The following PCDH11X variants were observed in gnomAD, a reference collection of about 807,000 sequenced individuals.
PCDH11X encodes protocadherin 11 X-linked.
Under a neutral mutation model 53.3 loss-of-function variants are expected in PCDH11X, and 18 were observed. That is an observed-to-expected ratio of 0.34 (90% CI 0.23 to 0.50). The LOEUF is 0.50. Among genes scored for constraint, PCDH11X ranks in the 20% least tolerant of loss-of-function variants. The probability of loss-of-function intolerance (pLI) is 0.98; values close to 1 mark genes in which losing one functional copy is unlikely to be tolerated. For synonymous variants in PCDH11X, 279 were observed against 393.3 expected (o/e 0.71, Z 3.44); for missense variants, 570 against 1,032.4 (o/e 0.55, Z 6.14).
intron 1 of PCDH11X, among the ~76,000 whole-genome samples, chrX:91,790,294 G>A (rs940634347): frequency 8.9e-6 from 1 of 111,875 alleles, no homozygotes; most frequent in Non-Finnish European, 1.9e-5. Flanking sequence ...TTGTACATAC[G>A]ATTATACCAT....
intron 6 of PCDH11X, among the ~76,000 whole-genome samples, chrX:91,920,874 A>C (rs2147819049): frequency 9.0e-6 from 1 of 110,634 alleles, no homozygotes; most frequent in East Asian, 2.9e-4. Context: ...GCAGACTCAT[A>C]ATTTTAGAAA....
intron 6 of PCDH11X, among the ~76,000 whole-genome samples, chrX:92,005,756 G>A (rs1212349876): frequency 8.9e-6 from 1 of 111,872 alleles, no homozygotes; most frequent in Non-Finnish European, 1.9e-5. Flanking sequence ...TCTAATTGAA[G>A]TACTCCCTAT....
At chrX:91,783,589 G>A (rs1205743287) in intron 1 of PCDH11X, among the ~76,000 whole-genome samples, 4 of 111,843 alleles carry the variant, frequency 3.6e-5, no homozygotes, top group Non-Finnish European at 5.6e-5. Context: ...TTTTCTCTGC[G>A]CAAGCAGTCC....
chrX:92,208,682 C>T (rs1324104416), intron 7 of PCDH11X, among the ~76,000 whole-genome samples: 2 of 104,572 alleles, frequency 1.9e-5, no homozygotes, highest in Non-Finnish European at 3.9e-5. Context: ...CAATAAGATA[C>T]ACAGACCACA....
At chrX:92,419,846 A>T (rs1486104882) in intron 9 of PCDH11X, among the ~76,000 whole-genome samples, 7 of 106,804 alleles carry the variant, frequency 6.6e-5, no homozygotes, top group African/African-American at 2.4e-4. Flanking sequence ...TACCCAGCTA[A>T]TTTTTTTGTA....
At chrX:91,848,621 A>G (rs1014107794) in intron 5 of PCDH11X, among the ~76,000 whole-genome samples, 1 of 112,106 alleles carries the variant, frequency 8.9e-6, no homozygotes, top group African/African-American at 3.2e-5. Flanking sequence ...CATCAACAAT[A>G]CAAAATGTGC....
intron 10 of PCDH11X, among the ~76,000 whole-genome samples, chrX:92,608,957 G>A (rs1200329516): frequency 2.7e-5 from 3 of 110,892 alleles, no homozygotes; most frequent in Non-Finnish European, 5.7e-5. Flanking sequence ...ATCCCTATAA[G>A]CTTGCCATTT....
At chrX:92,417,147 TAAAAG>T (rs1397818247) in intron 9 of PCDH11X, among the ~76,000 whole-genome samples, 1 of 111,866 alleles carries the variant, frequency 8.9e-6, no homozygotes, top group African/African-American at 3.2e-5. Context: ...AGTGATTTGT[TAAAAG>T]AAAGGTAGCA....
At chrX:92,195,606 C>T (rs1049412457) in intron 6 of PCDH11X, among the ~76,000 whole-genome samples, 4 of 110,889 alleles carry the variant, frequency 3.6e-5, no homozygotes, top group African/African-American at 1.3e-4. Flanking sequence ...TTCTCAAGAT[C>T]TCATCATTGT....
intron 10 of PCDH11X, among the ~76,000 whole-genome samples, chrX:92,484,455 A>T (rs1257022233): frequency 4.4e-4 from 46 of 105,117 alleles, no homozygotes; most frequent in African/African-American, 1.6e-3. Context: ...CCATGCCAAC[A>T]TCTATTAATT....
Position 92,048,967 on chromosome X carries a change from A to T in PCDH11X, c.3034-152408A>T, listed in dbSNP as rs754311153. Among the ~76,000 whole-genome samples, 11 of 112,066 alleles carry T rather than the reference A, an allele frequency of 9.8e-5. No individual in the cohort carries two copies. In the South Asian group the frequency reaches 3.0e-3, roughly 30 times the overall value. On this transcript the variant is annotated intron_variant, in intron 6 of 10. Coordinates refer to ENST00000682573, the MANE Select transcript of PCDH11X (RefSeq NM_032968.5). ...TTCCAGGCTATTGGTAAATTTAAACATTTTCTGGTTGACAATTGGTTGAGT... is the reference window on the plus strand; with the variant it reads ...TTCCAGGCTATTGGTAAATTTAAACTTTTTCTGGTTGACAATTGGTTGAGT...
chrX:91,995,225 A>C (rs1234703540), intron 6 of PCDH11X, among the ~76,000 whole-genome samples: 3 of 107,638 alleles, frequency 2.8e-5, no homozygotes, highest in South Asian at 3.9e-4. Flanking sequence ...TAAAAAAAAA[A>C]AAACAAAAAA....
chrX:92,315,638 A>G (rs2069058303), intron 8 of PCDH11X, among the ~76,000 whole-genome samples: 2 of 109,906 alleles, frequency 1.8e-5, no homozygotes, highest in Non-Finnish European at 3.8e-5. Context: ...CTGTGCTCAA[A>G]CGATCCTCAA....
chrX:92,103,353 A>G (rs1276900538), intron 6 of PCDH11X, among the ~76,000 whole-genome samples: 1 of 111,174 alleles, frequency 9.0e-6, no homozygotes, highest in Non-Finnish European at 1.9e-5. Context: ...TTATGGAGGC[A>G]AGGGAAACAG....
chrX:92,466,013 T>G (rs1182492297), intron 9 of PCDH11X, among the ~76,000 whole-genome samples: 1 of 111,405 alleles, frequency 9.0e-6, no homozygotes, highest in East Asian at 2.8e-4. Flanking sequence ...CTATCGTTTT[T>G]AAATTTATTA....
chrX:92,198,387 G>C (rs1335119145), intron 6 of PCDH11X, among the ~76,000 whole-genome samples: 1 of 80,243 alleles, frequency 1.2e-5, no homozygotes, highest in Non-Finnish European at 2.2e-5. Context: ...TTTCAGCCTA[G>C]GTGACAGAGT....
chrX:92,489,872 A>G, intron 10 of PCDH11X, among the ~76,000 whole-genome samples: 1 of 102,345 alleles, frequency 9.8e-6, no homozygotes, highest in Non-Finnish European at 2.0e-5. Context: ...AAACAACATG[A>G]TCTTACTTGG....
At chrX:91,916,676 T>TA (rs998214980) in intron 6 of PCDH11X, among the ~76,000 whole-genome samples, 12 of 109,323 alleles carry the variant, frequency 1.1e-4, no homozygotes, top group African/African-American at 3.7e-4. Context: ...GAAACAATAA[T>TA]AAAAAATTGC....
intron 9 of PCDH11X, among the ~76,000 whole-genome samples, chrX:92,395,442 A>G (rs896910412): frequency 2.7e-5 from 3 of 111,378 alleles, no homozygotes; most frequent in Non-Finnish European, 5.7e-5. Context: ...CAATCATCTT[A>G]CGTATTACAG....
Sources: allele counts gnomAD v4.1 joint callset (sites outside exome capture counted in the v4.1 genomes callset), GRCh38; gene constraint gnomAD v4.1.1; transcripts MANE v1.5; gene names NCBI Gene and HGNC (gene_info 2026-07-23, HGNC 2026-07-21).